The following PAK5 variants were observed in gnomAD, a reference collection of about 807,000 sequenced individuals.
PAK5 encodes the protein serine/threonine-protein kinase PAK 5.
Under a neutral mutation model 65.9 loss-of-function variants are expected in PAK5, and 16 were observed. That is an observed-to-expected ratio of 0.24 (90% CI 0.16 to 0.37). The LOEUF (loss-of-function observed/expected upper bound fraction) is 0.37, where lower values mean the gene tolerates loss of function less well. Ranked by LOEUF, PAK5 falls within the 10% of genes least tolerant of loss-of-function variation. The probability of loss-of-function intolerance (pLI) is 1.00; values close to 1 mark genes in which losing one functional copy is unlikely to be tolerated. For synonymous variants in PAK5, 371 were observed against 354.9 expected (o/e 1.05, Z -0.51); for missense variants, 785 against 903.9 (o/e 0.87, Z 1.69).
At chr20:9,750,566 GT>G in intron 1 of PAK5, among the ~76,000 whole-genome samples, 1 of 152,210 alleles carries the variant, frequency 6.6e-6, no homozygotes, top group Non-Finnish European at 1.5e-5. Flanking sequence ...GTTAGTCATG[GT>G]TTTTATGTAT....
At chr20:9,724,039 G>A (rs536260021) in intron 1 of PAK5, among the ~76,000 whole-genome samples, 1 of 152,184 alleles carries the variant, frequency 6.6e-6, no homozygotes, top group South Asian at 2.1e-4. Flanking sequence ...AACACTGCCC[G>A]TCCATTCTAG....
intron 1 of PAK5, among the ~76,000 whole-genome samples, chr20:9,754,859 A>G (rs1263383613): frequency 6.6e-6 from 1 of 152,150 alleles, no homozygotes; most frequent in Non-Finnish European, 1.5e-5. Flanking sequence ...TCTCCCTGTT[A>G]TAATTTTTGC....
chr20:9,782,165 A>G (rs899459223), intron 1 of PAK5, among the ~76,000 whole-genome samples: 5 of 152,038 alleles, frequency 3.3e-5, no homozygotes, highest in African/African-American at 7.2e-5. Context: ...TGTGTTTTGC[A>G]CTGTCATCTA....
At chr20:9,545,057 T>G (rs2045323233) in intron 7 of PAK5, among the ~76,000 whole-genome samples, 1 of 152,198 alleles carries the variant, frequency 6.6e-6, no homozygotes, top group Non-Finnish European at 1.5e-5. Flanking sequence ...CTTCCCTTTT[T>G]GGTTTGCTCC....
rs2045613509 is a variant in PAK5, at chr20:9,562,906, A to G, written c.1601T>C (p.Ile534Thr). Residue 534 changes from isoleucine to threonine, a missense_variant, in exon 6 of 10, where the codon ATT (isoleucine) becomes ACT (threonine). Coordinates refer to ENST00000353224, the MANE Select transcript of PAK5 (RefSeq NM_177990.4). The stretch of plus-strand genomic sequence containing the variant: ...AGAAGCCTACCTGGTGTGAGTCACA[A>G]TGTCTGTCAAGGCACCACCTTCTAG... ...EFLEGGALTD[I>T]VTHTRMNEEQ... 1 of 1,613,598 alleles carries G rather than the reference A, an allele frequency of 6.2e-7. No individual in the cohort carries two copies. The highest frequency in any genetic ancestry group is 1.3e-5 in the African/African-American group (1 of 74,870).
chr20:9,601,087 G>T (rs963895481), intron 3 of PAK5, among the ~76,000 whole-genome samples: 1 of 152,126 alleles, frequency 6.6e-6, no homozygotes, highest in African/African-American at 2.4e-5. Context: ...CTAAGCTGGA[G>T]GGTGAGATAG....
chr20:9,656,327 T>C (rs1428992745), intron 2 of PAK5, among the ~76,000 whole-genome samples: 1 of 151,680 alleles, frequency 6.6e-6, no homozygotes, highest in East Asian at 1.9e-4. Flanking sequence ...TCAAGCAGAG[T>C]GGCTTCTAAC....
intron 1 of PAK5, among the ~76,000 whole-genome samples, chr20:9,764,546 G>A (rs926501): frequency 0.72 from 109,376 of 152,032 alleles, 39,715 homozygotes; most frequent in East Asian, 0.89. Context: ...TGGTTTTAGC[G>A]TCTGTTGATG....
At chr20:9,574,566 G>A (rs1379370779) in intron 4 of PAK5, among the ~76,000 whole-genome samples, 2 of 152,138 alleles carry the variant, frequency 1.3e-5, no homozygotes, top group Non-Finnish European at 2.9e-5. Context: ...AGCTAGGAAC[G>A]GACAATGCCA....
chr20:9,757,957 G>A (rs1400343954), intron 1 of PAK5, among the ~76,000 whole-genome samples: 2 of 152,216 alleles, frequency 1.3e-5, no homozygotes, highest in South Asian at 2.1e-4. Context: ...TGTTGAATTC[G>A]GGCACAGACA....
At chr20:9,582,500 C>T (rs1293541384) in intron 3 of PAK5, among the ~76,000 whole-genome samples, 2 of 152,122 alleles carry the variant, frequency 1.3e-5, no homozygotes, top group Non-Finnish European at 2.9e-5. Context: ...ATATCGTCGA[C>T]ACGACTTAGG....
At chr20:9,723,656 G>T (rs722483) in intron 1 of PAK5, among the ~76,000 whole-genome samples, 2 of 151,900 alleles carry the variant, frequency 1.3e-5, no homozygotes, top group Admixed American at 1.3e-4. Context: ...CTGCCATCAT[G>T]ATGAAATCTG....
chr20:9,571,584 T>G (rs950507521), intron 4 of PAK5, among the ~76,000 whole-genome samples: 1 of 152,222 alleles, frequency 6.6e-6, no homozygotes, highest in Non-Finnish European at 1.5e-5. Flanking sequence ...ATTTCCAACA[T>G]TCATTGATTT....
chr20:9,735,082 G>T (rs2048374253), intron 1 of PAK5, among the ~76,000 whole-genome samples: 2 of 152,076 alleles, frequency 1.3e-5, no homozygotes, highest in South Asian at 2.1e-4. Context: ...CCTACCAATT[G>T]GTTGTAGACA....
intron 3 of PAK5, among the ~76,000 whole-genome samples, chr20:9,641,561 C>A (rs767058008): frequency 5.3e-5 from 8 of 151,818 alleles, no homozygotes; most frequent in Admixed American, 1.3e-4. Context: ...GCAGGTGGAG[C>A]TGCCTGCCAG....
intron 3 of PAK5, among the ~76,000 whole-genome samples, chr20:9,588,083 T>C (rs1254080982): frequency 1.3e-5 from 2 of 152,184 alleles, no homozygotes; most frequent in Non-Finnish European, 2.9e-5. Flanking sequence ...TTCCATTTAT[T>C]TCACCATTTT....
chr20:9,662,620 A>C (rs1295328428), intron 2 of PAK5, among the ~76,000 whole-genome samples: 1 of 152,166 alleles, frequency 6.6e-6, no homozygotes, highest in African/African-American at 2.4e-5. Flanking sequence ...AGGAGCCTGG[A>C]TCCCTGAACT....
chr20:9,754,533 A>C (rs2048612024), intron 1 of PAK5, among the ~76,000 whole-genome samples: 1 of 152,136 alleles, frequency 6.6e-6, no homozygotes, highest in Non-Finnish European at 1.5e-5. Context: ...CACCAGTCTT[A>C]GGTTTGACAA....
chr20:9,567,882 C>G (rs1035189601), intron 4 of PAK5, among the ~76,000 whole-genome samples: 3 of 152,116 alleles, frequency 2.0e-5, no homozygotes, highest in Non-Finnish European at 1.5e-5. Flanking sequence ...AGGGTAGTCA[C>G]AGAAGGACTC....
Sources: allele counts gnomAD v4.1 joint callset (sites outside exome capture counted in the v4.1 genomes callset), GRCh38; gene constraint gnomAD v4.1.1; transcripts MANE v1.5; gene names NCBI Gene and HGNC (gene_info 2026-07-23, HGNC 2026-07-21).